Variants in PLXNA2 observed in about 807,000 individuals in gnomAD.
The protein encoded by PLXNA2 is plexin-A2.
In PLXNA2, 91 loss-of-function variants were observed where a neutral mutation model predicts 193.5. The observed-to-expected ratio is 0.47, with a 90% CI of 0.40 to 0.56. PLXNA2 has a LOEUF of 0.56. Ranked by LOEUF, PLXNA2 falls within the 20% of genes least tolerant of loss-of-function variation. The pLI, the probability that PLXNA2 is intolerant of heterozygous loss-of-function variation, is 0.00. For synonymous variants in PLXNA2, 997 were observed against 1,027.3 expected (o/e 0.97, Z 0.56); for missense variants, 1,995 against 2,503.2 (o/e 0.80, Z 4.33).
chr1:208,111,824 G>C (rs1284022716), intron 4 of PLXNA2, among the ~76,000 whole-genome samples: 1 of 151,984 alleles, frequency 6.6e-6, no homozygotes, highest in Non-Finnish European at 1.5e-5. Context: ...CCTCCTGCCT[G>C]TCCTCTGGGC....
rs896584064 is a variant in PLXNA2, at chr1:208,024,622, C to G, written c.*2621G>C. ...CTCTCCACCCTCCAATTGGCCATTG[C>G]CCCATCATTCTCCACGCTCTCCACA... On this transcript the variant is annotated 3_prime_UTR_variant, in exon 32 of 32. Coordinates refer to ENST00000367033, the MANE Select transcript of PLXNA2 (RefSeq NM_025179.4). 6.6e-6 allele frequency: 1 copy of G among 152,366 alleles called. No homozygotes were observed. Among genetic ancestry groups the G allele is most frequent in the African/African-American group, 2.4e-5 (1 of 41,456 alleles). The allele number at this position is 152,366 out of a possible 1,614,324, so 9.4% of individuals were successfully genotyped here. A position where few individuals can be genotyped will look rare whatever the true frequency, so the allele number is the denominator to read the frequency against.
chr1:208,222,408 C>T (rs1671367482), intron 1 of PLXNA2, among the ~76,000 whole-genome samples: 1 of 152,044 alleles, frequency 6.6e-6, no homozygotes, highest in African/African-American at 2.4e-5. Context: ...AGGACTCTCG[C>T]CTGAACAAGA....
chr1:208,090,568 C>A (rs1478346388), intron 9 of PLXNA2, among the ~76,000 whole-genome samples: 2 of 152,184 alleles, frequency 1.3e-5, no homozygotes, highest in Non-Finnish European at 2.9e-5. Context: ...CCTCCACACA[C>A]ACCCCAGCAG....
At chr1:208,211,041 C>T (rs1037293697) in intron 2 of PLXNA2, among the ~76,000 whole-genome samples, 5 of 152,204 alleles carry the variant, frequency 3.3e-5, no homozygotes, top group African/African-American at 9.6e-5. Flanking sequence ...TCTTTCCATA[C>T]TGGAAAGAGA....
At chr1:208,095,909 TG>T in intron 8 of PLXNA2, 119 bp downstream of exon 8, 2 of 755,652 alleles carry the variant, frequency 2.6e-6, no homozygotes, top group Non-Finnish European at 2.3e-6. Context: ...TCAGGCCCCA[TG>T]GGGAAACTGT....
intron 3 of PLXNA2, among the ~76,000 whole-genome samples, chr1:208,191,185 A>G (rs1670165862): frequency 6.6e-6 from 1 of 152,220 alleles, no homozygotes; most frequent in Non-Finnish European, 1.5e-5. Flanking sequence ...CCAGCAACAA[A>G]CATTGGTAAG....
chr1:208,168,977 G>T (rs1218189409), intron 3 of PLXNA2, among the ~76,000 whole-genome samples: 1 of 152,006 alleles, frequency 6.6e-6, no homozygotes, highest in Non-Finnish European at 1.5e-5. Flanking sequence ...CATTTCAAAA[G>T]ATACCCTGCC....
chr1:208,157,082 C>T (rs915135993), intron 3 of PLXNA2, among the ~76,000 whole-genome samples: 7 of 152,196 alleles, frequency 4.6e-5, no homozygotes, highest in Non-Finnish European at 8.8e-5. Context: ...ACAGGTCTCA[C>T]ATGATAAATA....
intron 15 of PLXNA2, among the ~76,000 whole-genome samples, chr1:208,051,901 T>C (rs914622535): frequency 6.6e-6 from 1 of 152,218 alleles, no homozygotes; most frequent in Non-Finnish European, 1.5e-5. Context: ...TCTTCAGGGC[T>C]AGGGGAGTGC....
intron 1 of PLXNA2, among the ~76,000 whole-genome samples, chr1:208,231,616 C>T (rs564749436): frequency 1.4e-4 from 21 of 152,286 alleles, no homozygotes; most frequent in South Asian, 1.0e-3. Context: ...CACTGTAATA[C>T]GAACAAGTAT....
intron 3 of PLXNA2, among the ~76,000 whole-genome samples, chr1:208,150,867 C>T (rs1668740155): frequency 1.3e-5 from 2 of 152,142 alleles, no homozygotes; most frequent in Non-Finnish European, 2.9e-5. Flanking sequence ...AGAATCCAGA[C>T]CTCTGGGTTC....
intron 4 of PLXNA2, among the ~76,000 whole-genome samples, chr1:208,132,352 C>T (rs1361663233): frequency 6.6e-6 from 1 of 152,146 alleles, no homozygotes; most frequent in East Asian, 1.9e-4. Context: ...CCTTCTGCAG[C>T]CACAGGGCAG....
chr1:208,029,808 T>G, intron 29 of PLXNA2: 2 of 985,468 alleles, frequency 2.0e-6, no homozygotes, highest in Non-Finnish European at 2.4e-6. Flanking sequence ...ATAAAGCAAA[T>G]AAGCCCATTT....
chr1:208,031,709 A>C lies in PLXNA2; in HGVS notation c.5106T>G (p.Thr1702=), dbSNP rs56168065. ...VDDLFETLFS[T]VHRGSALPLA... ...GGGGGAGAGCGCTGCCCCGGTGCACAGTGCTGAACAAGGTCTCAAACAAGT... is the reference window on the plus strand; with the variant it reads ...GGGGGAGAGCGCTGCCCCGGTGCACCGTGCTGAACAAGGTCTCAAACAAGT... The change falls in exon 29 of 32, where the codon ACT becomes ACG. Residue 1702 remains threonine (T), a synonymous_variant. Coordinates refer to ENST00000367033, the MANE Select transcript of PLXNA2 (RefSeq NM_025179.4). 10 of 1,613,280 alleles carry C rather than the reference A, an allele frequency of 6.2e-6. No individual in the cohort carries two copies. The highest frequency in any genetic ancestry group is 7.6e-6 in the Non-Finnish European group (9 of 1,179,756).
rs1553297870 is a variant in PLXNA2 at position 208,209,983 on chromosome 1, ATTTTTT to A, written c.1371+291_1371+296del. On this transcript the variant is annotated intron_variant, in intron 3 of 31. Coordinates refer to ENST00000367033, the MANE Select transcript of PLXNA2 (RefSeq NM_025179.4). ...TTGCTTGATTTGGGAATGAAGAGCA[ATTTTTT>A]TTTTTTTTTTTTTTTGCTTTTGCAG... is the stretch of plus-strand genomic sequence containing the variant. 1.7e-4 allele frequency: 15 copies of A among 87,948 alleles called. 2 individuals are homozygous for A. Among genetic ancestry groups the A allele is most frequent in the East Asian group, 4.1e-4 (1 of 2,462 alleles). The allele number at this position is 87,948 out of a possible 1,614,324, so 5.4% of individuals were successfully genotyped here. A position where few individuals can be genotyped will look rare whatever the true frequency, so the allele number is the denominator to read the frequency against.
intron 17 of PLXNA2, among the ~76,000 whole-genome samples, chr1:208,049,744 A>G (rs951382338): frequency 6.6e-6 from 1 of 152,192 alleles, no homozygotes; most frequent in Non-Finnish European, 1.5e-5. Flanking sequence ...ATGATCCCTG[A>G]GACCTTTCTA....
intron 8 of PLXNA2, among the ~76,000 whole-genome samples, chr1:208,093,918 G>A (rs553407114): frequency 2.0e-4 from 31 of 152,302 alleles, no homozygotes; most frequent in Admixed American, 3.3e-4. Flanking sequence ...AACCTGGAAT[G>A]GACAGGACCA....
rs140843788 is a variant in PLXNA2, at chr1:208,233,640, C to T, written c.-81+10003G>A. ...ATCCAAGCTGGGGCGACCCTCCCTG[C>T]CTCTCATTCCCTCGCAGCCTTGTGA... is the stretch of plus-strand genomic sequence containing the variant. On this transcript the variant is annotated intron_variant, in intron 1 of 31. Coordinates refer to ENST00000367033, the MANE Select transcript of PLXNA2 (RefSeq NM_025179.4). 2.4e-4 allele frequency among the ~76,000 whole-genome samples: 37 copies of T among 152,376 alleles called. 2 individuals carry two copies. Among genetic ancestry groups the T allele is most frequent in the African/African-American group, 7.9e-4 (33 of 41,592 alleles).
At position 208,220,832 on chromosome 1, in the gene PLXNA2, C is replaced by T. The variant is rs566213268; in HGVS notation, c.-80-2830G>A. Among the ~76,000 whole-genome samples, 3 of 152,268 alleles carry T rather than the reference C, an allele frequency of 2.0e-5. No individual in the cohort carries two copies. In the East Asian group the frequency reaches 5.8e-4, roughly 29 times the overall value. On this transcript the variant is annotated intron_variant, in intron 1 of 31. Coordinates refer to ENST00000367033, the MANE Select transcript of PLXNA2 (RefSeq NM_025179.4). ...CTCTTTTTGCTTATATTCTTCCTTT[C>T]CCACCCACAATGAGATGAACACTGT...
Sources: gnomAD v4.1 joint callset for allele counts (sites outside exome capture counted in the v4.1 genomes callset) on GRCh38, gnomAD v4.1.1 for gene constraint, MANE v1.5 for transcripts, NCBI Gene and HGNC (gene_info 2026-07-23, HGNC 2026-07-21) for gene names.